UBR2: variants seen among roughly 807,000 people sequenced by gnomAD.
UBR2 encodes E3 ubiquitin-protein ligase UBR2.
A neutral mutation model predicts 247.9 loss-of-function variants in UBR2; 92 were observed. The observed-to-expected ratio is 0.37, with a 90% CI of 0.31 to 0.44. The LOEUF (loss-of-function observed/expected upper bound fraction) is 0.44, where lower values mean the gene tolerates loss of function less well. Among genes scored for constraint, UBR2 ranks in the 20% least tolerant of loss-of-function variants. UBR2 has a pLI of 1.00. For synonymous variants in UBR2, 672 were observed against 693.5 expected, an observed-to-expected ratio of 0.97 and a Z score of 0.49; for missense variants, 1,613 against 2,112.6, an observed-to-expected ratio of 0.76 and a Z score of 4.64.
intron 14 of UBR2, among the ~76,000 whole-genome samples, chr6:42,636,522 A>G (rs957105835): frequency 6.6e-6 from 1 of 152,080 alleles, no homozygotes; most frequent in Non-Finnish European, 1.5e-5. Context: ...AGAGATTACC[A>G]TCTCTCTATT....
chr6:42,683,185 T>A, intron 43 of UBR2, 74 bp downstream of exon 43: 1 of 1,263,704 alleles, frequency 7.9e-7, no homozygotes, highest in East Asian at 2.4e-5. Flanking sequence ...GCTATATTCC[T>A]TCAGAAACTG....
At chr6:42,586,087 C>T (rs2151912727) in intron 2 of UBR2, among the ~76,000 whole-genome samples, 1 of 152,082 alleles carries the variant, frequency 6.6e-6, no homozygotes, top group East Asian at 1.9e-4. Flanking sequence ...TTTATGGACC[C>T]AGCAAGGTGG....
At chr6:42,625,553 A>C (rs1231777677) in intron 11 of UBR2, among the ~76,000 whole-genome samples, 1 of 152,096 alleles carries the variant, frequency 6.6e-6, no homozygotes, top group Admixed American at 6.6e-5. Flanking sequence ...AGGTTCAAGC[A>C]ATTCTGGTGT....
At chr6:42,594,115 C>T in intron 3 of UBR2, 76 bp from the exon 4 acceptor site, 1 of 1,147,088 alleles carries the variant, frequency 8.7e-7, no homozygotes, top group Non-Finnish European at 1.3e-6. Context: ...TTCCTTAGCA[C>T]TTGATATTCT....
In UBR2 at chr6:42,612,179, C is replaced by T; in HGVS notation, c.873C>T (p.Thr291=). The change falls in exon 8 of 47, where the codon ACC becomes ACT. Residue 291 remains threonine, a synonymous_variant. Coordinates refer to ENST00000372901, the MANE Select transcript of UBR2 (RefSeq NM_001363705.2). ...TGCCATTTCTTTTTAAGAGAAATAC[C>T]AGTAGACAGACAAAGCCACTCAAAG... ...EQAKSVIVRN[T]SRQTKPLKVQ... is the part of the protein sequence containing the mutation. The T allele has an allele frequency of 1.3e-6, 2 of 1,522,676 alleles. No homozygotes were observed. Among genetic ancestry groups the T allele is most frequent in the Non-Finnish European group, 9.0e-7 (1 of 1,116,644 alleles). The allele number at this position is 1,522,676 out of a possible 1,614,324, so 94.3% of individuals were successfully genotyped here.
chr6:42,682,204 G>T (rs1799098389), intron 42 of UBR2, among the ~76,000 whole-genome samples: 1 of 152,164 alleles, frequency 6.6e-6, no homozygotes, highest in Admixed American at 6.6e-5. Flanking sequence ...GGTACCTAGA[G>T]TAGTCAAATT....
intron 15 of UBR2, 53 bp downstream of exon 15, chr6:42,637,247 T>C: frequency 6.4e-7 from 1 of 1,556,158 alleles, no homozygotes; most frequent in Admixed American, 1.8e-5. Flanking sequence ...AAATTGTTGT[T>C]TGTGGTTAAT....
chr6:42,575,167 C>G (rs1168033180), intron 2 of UBR2, among the ~76,000 whole-genome samples: 1 of 152,116 alleles, frequency 6.6e-6, no homozygotes, highest in African/African-American at 2.4e-5. Context: ...AGATAATATT[C>G]TTTTGTGTAG....
intron 17 of UBR2, 24 bp downstream of exon 17, chr6:42,641,716 A>C: frequency 6.3e-7 from 1 of 1,584,550 alleles, no homozygotes; most frequent in Non-Finnish European, 8.6e-7. Context: ...AATTCTATGA[A>C]GAGTTTTCAT....
rs1796030283 is a variant in UBR2 at position 42,635,451 on chromosome 6, C to T, written c.1579C>T (p.His527Tyr). 1.2e-6 allele frequency: 2 copies of T among 1,613,776 alleles called. No individual in the cohort carries two copies. Among genetic ancestry groups the T allele is most frequent in the East Asian group, 4.5e-5 (2 of 44,856 alleles). ...TCCAATTACACGTCAAGTAGGACAACATATTGAAATGGAACCAGAGTGGGA... is the reference window on the plus strand; with the variant it reads ...TCCAATTACACGTCAAGTAGGACAATATATTGAAATGGAACCAGAGTGGGA... ...MDPITRQVGQ[H>Y]IEMEPEWEAA... The change falls in exon 14 of 47, where the codon CAT (histidine) becomes TAT (tyrosine). Residue 527 changes from histidine (H) to tyrosine (Y), a missense_variant. Physicochemically the swap from His to Tyr is moderately conservative, Grantham distance 83 (BLOSUM62 2). This residue lies in a region of UBR2 where 1,524 missense variants were observed against 1,967.3 expected (regional missense o/e 0.77). Coordinates refer to ENST00000372901, the MANE Select transcript of UBR2 (RefSeq NM_001363705.2).
chr6:42,573,304 T>C (rs1791284793), intron 1 of UBR2, among the ~76,000 whole-genome samples: 4 of 152,200 alleles, frequency 2.6e-5, no homozygotes, highest in Admixed American at 2.6e-4. Context: ...TCACCGTACA[T>C]ATTGGCTGTT....
intron 1 of UBR2, among the ~76,000 whole-genome samples, chr6:42,571,405 G>A (rs763932277): frequency 3.3e-5 from 5 of 151,922 alleles, no homozygotes; most frequent in Non-Finnish European, 5.9e-5. Context: ...AAAAAAGTCC[G>A]AAGCACTTAA....
chr6:42,592,241 C>T lies in UBR2; in HGVS notation c.417+12C>T. ...ATCATCGATATAGGGTTAGTAATGT[C>T]CAAATAATAACCATGCGCAGTATTG... On this transcript the variant is annotated intron_variant, in intron 3 of 46. Coordinates refer to ENST00000372901, the MANE Select transcript of UBR2 (RefSeq NM_001363705.2). The T allele has an allele frequency of 6.5e-7, 1 of 1,531,342 alleles. No individual in the cohort carries two copies. Among genetic ancestry groups the T allele is most frequent in the Non-Finnish European group, 8.8e-7 (1 of 1,141,878 alleles). The allele number at this position is 1,531,342 out of a possible 1,614,324, so 94.9% of individuals were successfully genotyped here. A position where few individuals can be genotyped will look rare whatever the true frequency, so the allele number is the denominator to read the frequency against.
At chr6:42,617,574 A>G in intron 11 of UBR2, 67 bp downstream of exon 11, 2 of 1,255,206 alleles carry the variant, frequency 1.6e-6, no homozygotes, top group South Asian at 2.6e-5. Context: ...ATAATAGAGA[A>G]CTAAAGTCTG....
Position 42,689,548 on chromosome 6 carries a change from G to A in UBR2, c.5025-21G>A, listed in dbSNP as rs768470628. ...GGTTACTAATGTGTAAATGTGTAAC[G>A]TATGACTGATCTCTCTACAGAGTAC... On this transcript the variant is annotated intron_variant, in intron 45 of 46. Coordinates refer to ENST00000372901, the MANE Select transcript of UBR2 (RefSeq NM_001363705.2). This position sits in a 1 kb window ranked among gnomAD's most constrained non-coding sequence, Gnocchi z 4.0. The A allele has an allele frequency of 1.5e-4, 237 of 1,606,918 alleles. No homozygotes were observed. Among genetic ancestry groups the A allele is most frequent in the Non-Finnish European group, 1.7e-4 (198 of 1,173,746 alleles).
Position 42,684,789 on chromosome 6 carries a change from T to A in UBR2, c.4776-5T>A. ...AGTGTTCTTTAATTTTTCTCTTTTT[T>A]TCAGATATCCAAGAGAATCTAACAA... is the stretch of plus-strand genomic sequence containing the variant. On this transcript the variant is annotated splice_region_variant and splice_polypyrimidine_tract_variant and intron_variant, in intron 43 of 46. Transcript: ENST00000372901. 17 of 1,602,566 alleles carry A rather than the reference T, an allele frequency of 1.1e-5. No individual in the cohort carries two copies. The highest frequency in any genetic ancestry group is 1.4e-5 in the Non-Finnish European group (17 of 1,174,252).
intron 32 of UBR2, among the ~76,000 whole-genome samples, chr6:42,664,809 A>G (rs567671464): frequency 1.3e-5 from 2 of 152,322 alleles, no homozygotes; most frequent in Admixed American, 6.5e-5. Context: ...ATGAGATTCA[A>G]TTATGGTTTA....
intron 11 of UBR2, among the ~76,000 whole-genome samples, chr6:42,625,523 C>T (rs1221708766): frequency 6.6e-6 from 1 of 152,148 alleles, no homozygotes; most frequent in African/African-American, 2.4e-5. Flanking sequence ...GATTTCAGCT[C>T]ACTGCAATCT....
intron 4 of UBR2, among the ~76,000 whole-genome samples, chr6:42,600,647 A>C (rs1371943520): frequency 7.0e-6 from 1 of 143,266 alleles, no homozygotes; most frequent in Non-Finnish European, 1.5e-5. Flanking sequence ...AAAAAAAAAA[A>C]TTATCAGTTG....
Sources: allele counts gnomAD v4.1 joint callset (sites outside exome capture counted in the v4.1 genomes callset), GRCh38; gene constraint gnomAD v4.1.1; regional missense constraint gnomAD v4.1.1; non-coding constraint Gnocchi (gnomAD v3.1); transcripts MANE v1.5; gene names NCBI Gene and HGNC (gene_info 2026-07-23, HGNC 2026-07-21).